HDAC9: variants seen among roughly 807,000 people sequenced by gnomAD.
HDAC9 encodes histone deacetylase 9.
HDAC9 carries 41 observed loss-of-function variants against 139.4 expected under a neutral mutation model. The observed-to-expected ratio is 0.29, with a 90% CI of 0.23 to 0.38. The LOEUF is 0.38. HDAC9 is among the 10% of genes least tolerant of loss of function. HDAC9 has a pLI of 1.00. For synonymous variants in HDAC9, 517 were observed against 476.2 expected, an observed-to-expected ratio of 1.09 and a Z score of -1.12; for missense variants, 1,147 against 1,297.0, an observed-to-expected ratio of 0.88 and a Z score of 1.78.
intron 2 of HDAC9, among the ~76,000 whole-genome samples, chr7:18,561,333 GA>G: frequency 6.6e-6 from 1 of 152,144 alleles, no homozygotes; most frequent in Non-Finnish European, 1.5e-5. Context: ...CAATTCCCCA[GA>G]GATTATCTTC....
intron 1 of HDAC9, among the ~76,000 whole-genome samples, chr7:18,421,271 A>T (rs1789590370): frequency 6.6e-6 from 1 of 152,174 alleles, no homozygotes; most frequent in African/African-American, 2.4e-5. Flanking sequence ...GGTAAATTTC[A>T]AAACACTTCT....
chr7:18,630,706 T>G (rs1489951739), intron 7 of HDAC9, among the ~76,000 whole-genome samples: 1 of 152,128 alleles, frequency 6.6e-6, no homozygotes, highest in Non-Finnish European at 1.5e-5. Context: ...ATATAATCAC[T>G]AATTTAGACG....
chr7:18,711,220 C>T (rs976309942), intron 12 of HDAC9, among the ~76,000 whole-genome samples: 2 of 152,170 alleles, frequency 1.3e-5, no homozygotes, highest in Non-Finnish European at 2.9e-5. Flanking sequence ...ATCGTCATTG[C>T]TCCTCATTGC....
At chr7:18,426,622 G>T (rs1790141864) in intron 1 of HDAC9, among the ~76,000 whole-genome samples, 1 of 152,104 alleles carries the variant, frequency 6.6e-6, no homozygotes, top group Non-Finnish European at 1.5e-5. Flanking sequence ...GCATCTAATA[G>T]CCAAAAAGTT....
chr7:18,212,918 G>A (rs1214720284), intron 2 of HDAC9, among the ~76,000 whole-genome samples: 1 of 152,184 alleles, frequency 6.6e-6, no homozygotes, highest in African/African-American at 2.4e-5. Context: ...ATTTCTGGGA[G>A]TTCTGAGATG....
chr7:18,603,886 G>A (rs910435655), intron 6 of HDAC9, among the ~76,000 whole-genome samples: 1 of 151,980 alleles, frequency 6.6e-6, no homozygotes, highest in African/African-American at 2.4e-5. Flanking sequence ...TCTCCTTCTT[G>A]TTTGGGATAA....
At chr7:18,854,983 G>A (rs978573038) in intron 21 of HDAC9, among the ~76,000 whole-genome samples, 1 of 152,074 alleles carries the variant, frequency 6.6e-6, no homozygotes, top group African/African-American at 2.4e-5. Flanking sequence ...GATCACCTAG[G>A]TTTAAAATAA....
intron 22 of HDAC9, among the ~76,000 whole-genome samples, chr7:18,923,084 T>C (rs1316666264): frequency 2.0e-5 from 3 of 152,114 alleles, no homozygotes; most frequent in African/African-American, 7.2e-5. Context: ...TCACCTATTA[T>C]TAATTAGGTA....
At chr7:18,573,976 T>G (rs1825166659) in intron 2 of HDAC9, among the ~76,000 whole-genome samples, 1 of 152,240 alleles carries the variant, frequency 6.6e-6, no homozygotes, top group South Asian at 2.1e-4. Context: ...ACAGCTCTTT[T>G]AGTCCCACCA....
chr7:18,207,715 T>C (rs1477449742), intron 2 of HDAC9, among the ~76,000 whole-genome samples: 1 of 151,806 alleles, frequency 6.6e-6, no homozygotes, highest in African/African-American at 2.4e-5. Flanking sequence ...GATTTATTTA[T>C]TTATTCATTT....
intron 11 of HDAC9, among the ~76,000 whole-genome samples, chr7:18,663,882 G>T (rs576119438): frequency 2.0e-5 from 3 of 152,124 alleles, no homozygotes; most frequent in Non-Finnish European, 2.9e-5. Context: ...TGAGGTATGA[G>T]TAAGGGTTGC....
At chr7:18,915,212 A>G (rs994392616) in intron 22 of HDAC9, among the ~76,000 whole-genome samples, 10 of 152,090 alleles carry the variant, frequency 6.6e-5, no homozygotes, top group African/African-American at 2.2e-4. Context: ...AGGATATTTT[A>G]TAAGTAGAGC....
chr7:18,455,131 A>G (rs1586030396), intron 1 of HDAC9, among the ~76,000 whole-genome samples: 1 of 152,124 alleles, frequency 6.6e-6, no homozygotes, highest in Non-Finnish European at 1.5e-5. Context: ...AGACAGGGAC[A>G]TAGAAATAAG....
intron 2 of HDAC9, among the ~76,000 whole-genome samples, chr7:18,570,804 G>A (rs953985191): frequency 2.6e-5 from 4 of 152,172 alleles, no homozygotes; most frequent in African/African-American, 9.7e-5. Context: ...CATTCAGAAC[G>A]ATGTTTGTTA....
intron 1 of HDAC9, among the ~76,000 whole-genome samples, chr7:18,483,338 A>G (rs1296233580): frequency 1.3e-5 from 2 of 152,230 alleles, no homozygotes; most frequent in Admixed American, 1.3e-4. Flanking sequence ...GACAGGATAC[A>G]GTGATTTTGA....
intron 2 of HDAC9, among the ~76,000 whole-genome samples, chr7:18,244,956 A>G (rs1302197272): frequency 7.8e-6 from 1 of 128,866 alleles, no homozygotes; most frequent in Admixed American, 8.0e-5. Context: ...CTGTATATGG[A>G]CATAACATAT....
chr7:18,374,454 T>C lies in HDAC9; in HGVS notation c.-42+83939T>C, dbSNP rs865900856. Reference sequence around the variant, plus strand: ...TACTACACACCTAGGCTATATGGTATAGTCTGTTGCTCCTAGGCTACAAAC... The same window carrying C: ...TACTACACACCTAGGCTATATGGTACAGTCTGTTGCTCCTAGGCTACAAAC... On this transcript the variant is annotated intron_variant, in intron 1 of 3. Coordinates refer to the HDAC9 transcript ENST00000413509. Among the ~76,000 whole-genome samples the C allele has an allele frequency of 1.8e-4, 27 of 152,156 alleles. No homozygotes were observed. In the South Asian group the frequency reaches 3.7e-3, roughly 21 times the overall value.
intron 2 of HDAC9, among the ~76,000 whole-genome samples, chr7:18,255,529 T>C (rs1795172608): frequency 6.6e-6 from 1 of 151,990 alleles, no homozygotes; most frequent in Non-Finnish European, 1.5e-5. Context: ...CTCGGAAACA[T>C]AGGTTGTGGC....
At chr7:18,502,939 T>C (rs1473367617) in intron 2 of HDAC9, among the ~76,000 whole-genome samples, 1 of 152,176 alleles carries the variant, frequency 6.6e-6, no homozygotes, top group East Asian at 1.9e-4. Context: ...GTTTTCAATA[T>C]ATGAAAGGAG....
Sources: allele counts gnomAD v4.1 joint callset (sites outside exome capture counted in the v4.1 genomes callset), GRCh38; gene constraint gnomAD v4.1.1; transcripts MANE v1.5; gene names NCBI Gene and HGNC (gene_info 2026-07-23, HGNC 2026-07-21).